Variants in TMOD2 observed in about 807,000 individuals in gnomAD.
The protein encoded by TMOD2 is tropomodulin-2.
In TMOD2, 22 loss-of-function variants were observed where a neutral mutation model predicts 39.9. That is an observed-to-expected ratio of 0.55 (90% confidence interval 0.39 to 0.79). TMOD2 has a LOEUF of 0.79. Among genes scored for constraint, TMOD2 ranks in the 30% least tolerant of loss-of-function variants. The probability of loss-of-function intolerance (pLI) is 0.00; values close to 1 mark genes in which losing one functional copy is unlikely to be tolerated. For missense variants in TMOD2, 386 were observed against 413.3 expected (o/e 0.93, Z 0.57); for synonymous variants, 123 against 146.1 (o/e 0.84, Z 1.14).
At chr15:51,768,630 A>C in intron 3 of TMOD2, among the ~76,000 whole-genome samples, 1 of 151,830 alleles carries the variant, frequency 6.6e-6, no homozygotes, top group Non-Finnish European at 1.5e-5. Flanking sequence ...CTGTCCGGGA[A>C]ATGGGAAATA....
chr15:51,753,390 C>G (rs966952007), intron 1 of TMOD2, among the ~76,000 whole-genome samples: 2 of 152,106 alleles, frequency 1.3e-5, no homozygotes, highest in African/African-American at 2.4e-5. Flanking sequence ...GCGAGTCTCC[C>G]GTTGTGAAGC....
chr15:51,804,087 A>G (rs2056106811), intron 8 of TMOD2, among the ~76,000 whole-genome samples: 1 of 152,204 alleles, frequency 6.6e-6, no homozygotes, highest in Non-Finnish European at 1.5e-5. Context: ...TTGCCATCTG[A>G]CCCAGCTATA....
In TMOD2 at chr15:51,806,404, A is replaced by G. The variant is rs1478540714; in HGVS notation, c.904A>G (p.Met302Val). The stretch of plus-strand genomic sequence containing the variant: ...GCAGCAGTTGGGAACAGCTGTAGAG[A>G]TGGAAATTGCCCAGATGCTGGAGGA... ...QRQQLGTAVE[M>V]EIAQMLEENS... Residue 302 changes from methionine to valine, a missense_variant, in exon 9 of 10, where the codon ATG becomes GTG. Coordinates refer to ENST00000249700, the MANE Select transcript of TMOD2 (RefSeq NM_014548.4). 1.2e-6 allele frequency: 2 copies of G among 1,614,162 alleles called. No individual in the cohort carries two copies. Among genetic ancestry groups the G allele is most frequent in the Non-Finnish European group, 1.7e-6 (2 of 1,180,018 alleles).
At chr15:51,781,247 G>A (rs770459549) in intron 6 of TMOD2, 73 bp downstream of exon 6, 164 of 1,414,616 alleles carry the variant, frequency 1.2e-4, no homozygotes, top group Non-Finnish European at 1.5e-4. Context: ...ATGACCTATT[G>A]CTTGTTTTCA....
intron 7 of TMOD2, among the ~76,000 whole-genome samples, chr15:51,787,920 A>G (rs1021639698): frequency 1.3e-5 from 2 of 152,228 alleles, no homozygotes; most frequent in African/African-American, 2.4e-5. Context: ...AGAAAGGCGG[A>G]AAATTCCCAA....
chr15:51,782,272 G>A (rs567111093), intron 6 of TMOD2, among the ~76,000 whole-genome samples: 1 of 152,292 alleles, frequency 6.6e-6, no homozygotes, highest in East Asian at 1.9e-4. Context: ...AGGAGATCCA[G>A]TAAACAAAGG....
chr15:51,794,751 T>C (rs1266584329), intron 7 of TMOD2, among the ~76,000 whole-genome samples: 2 of 152,190 alleles, frequency 1.3e-5, no homozygotes, highest in East Asian at 3.8e-4. Context: ...TATTTTTCAT[T>C]TATCATCTTA....
rs1308198154 is a variant in TMOD2, at chr15:51,815,737, T to G, written c.*7283T>G. 2 of 152,220 alleles carry G rather than the reference T, an allele frequency of 1.3e-5. No homozygotes were observed. Among genetic ancestry groups the G allele is most frequent in the Non-Finnish European group, 2.9e-5 (2 of 68,030 alleles). 9.4% of individuals were successfully genotyped at this position (152,220 alleles called of 1,614,324 possible). ...TTTAATTAAGCATTTATTTTAGTTG[T>G]TTTCATCCATTCAAGCAAAATGAAT... is the stretch of plus-strand genomic sequence containing the variant. On this transcript the variant is annotated 3_prime_UTR_variant, in exon 10 of 10. Transcript: ENST00000249700.
chr15:51,787,040 AGGGGTT>A (rs1040231592), intron 7 of TMOD2, among the ~76,000 whole-genome samples: 7 of 152,168 alleles, frequency 4.6e-5, no homozygotes, highest in Admixed American at 3.9e-4. Context: ...TCACCCGGGA[AGGGGTT>A]GGGGTTGGGG....
chr15:51,783,554 A>G (rs753700608), intron 7 of TMOD2: 1 of 152,196 alleles, frequency 6.6e-6, no homozygotes, highest in Non-Finnish European at 1.5e-5. Context: ...TATCTTAGAC[A>G]ACAAAATCAG....
chr15:51,782,015 G>A (rs972729046), intron 6 of TMOD2, among the ~76,000 whole-genome samples: 2 of 152,174 alleles, frequency 1.3e-5, no homozygotes, highest in African/African-American at 2.4e-5. Context: ...ACGTCATAGA[G>A]TTAGTCTGTA....
chr15:51,768,144 A>G, intron 2 of TMOD2, 118 bp from the exon 3 acceptor site: 2 of 1,212,298 alleles, frequency 1.6e-6, no homozygotes, highest in Non-Finnish European at 2.4e-6. Context: ...TCACACGCAC[A>G]TTCTGCGTAG....
intron 7 of TMOD2, among the ~76,000 whole-genome samples, chr15:51,795,610 C>CTTTCTTTCT (rs1555462815): frequency 0.013 from 1,579 of 122,748 alleles, 56 homozygotes; most frequent in African/African-American, 0.044. Flanking sequence ...TTCTTTCTTT[C>CTTTCTTTCT]TTTCTTTCTT....
At chr15:51,791,570 A>T (rs12964153) in intron 7 of TMOD2, among the ~76,000 whole-genome samples, 1 of 152,250 alleles carries the variant, frequency 6.6e-6, no homozygotes, top group Non-Finnish European at 1.5e-5. Flanking sequence ...CAAGAAGAAC[A>T]AAGCTGGAGG....
intron 7 of TMOD2, among the ~76,000 whole-genome samples, chr15:51,797,623 G>A (rs1009961033): frequency 1.3e-5 from 2 of 152,114 alleles, no homozygotes; most frequent in Non-Finnish European, 1.5e-5. Context: ...AGAGCCGGCA[G>A]GTGCCCGTGT....
chr15:51,806,459 A>C lies in TMOD2; in HGVS notation c.959A>C (p.Gln320Pro), dbSNP rs146455002. ...ENSRILKFGY[Q>P]FTKQGPRTRV... ...TCAAGGATCCTCAAGTTTGGATACC[A>C]GTTTACCAAGCAAGGGCCACGAACA... The change falls in exon 9 of 10, where the codon CAG (glutamine) becomes CCG (proline). Residue 320 changes from glutamine to proline, a missense_variant. Coordinates refer to ENST00000249700, the MANE Select transcript of TMOD2 (RefSeq NM_014548.4). The C allele has an allele frequency of 6.2e-7, 1 of 1,614,252 alleles. No individual in the cohort carries two copies. The highest frequency in any genetic ancestry group is 8.5e-7 in the Non-Finnish European group (1 of 1,180,036).
rs1161631651 is a variant in TMOD2 at position 51,814,635 on chromosome 15, AAT to A, written c.*6183_*6184del. On this transcript the variant is annotated 3_prime_UTR_variant, in exon 10 of 10. Coordinates refer to ENST00000249700, the MANE Select transcript of TMOD2 (RefSeq NM_014548.4). ...CCACCATGTGATATTTTTGAGAAAC[AAT>A]AGTGATTTGGATGCCAGCTCTATGT... 2.6e-5 allele frequency: 4 copies of A among 152,238 alleles called. No homozygotes were observed. The highest frequency in any genetic ancestry group is 1.3e-4 in the Admixed American group (2 of 15,284). The allele number at this position is 152,238 out of a possible 1,614,324, so 9.4% of individuals were successfully genotyped here. A position where few individuals can be genotyped will look rare whatever the true frequency, so the allele number is the denominator to read the frequency against.
chr15:51,796,494 G>A (rs1053070529), intron 7 of TMOD2, among the ~76,000 whole-genome samples: 2 of 152,034 alleles, frequency 1.3e-5, no homozygotes, highest in Non-Finnish European at 1.5e-5. Flanking sequence ...TCTGGGAGGG[G>A]CACCTTTCAA....
intron 8 of TMOD2, among the ~76,000 whole-genome samples, chr15:51,799,723 G>A (rs2056075976): frequency 6.6e-6 from 1 of 152,180 alleles, no homozygotes; most frequent in African/African-American, 2.4e-5. Flanking sequence ...TGGCATCAGG[G>A]TGTGGGGGAG....
Sources: allele counts gnomAD v4.1 joint callset (sites outside exome capture counted in the v4.1 genomes callset), GRCh38; gene constraint gnomAD v4.1.1; transcripts MANE v1.5; gene names NCBI Gene and HGNC (gene_info 2026-07-23, HGNC 2026-07-21).